Variants in SLC24A3 observed in about 807,000 individuals in gnomAD.
SLC24A3 encodes solute carrier family 24 member 3, also known as sodium/potassium/calcium exchanger 3.
Under a neutral mutation model 75.8 loss-of-function variants are expected in SLC24A3, and 28 were observed. The observed-to-expected ratio is 0.37, with a 90% CI of 0.27 to 0.51. The LOEUF (loss-of-function observed/expected upper bound fraction) is 0.51, where lower values mean the gene tolerates loss of function less well. Among genes scored for constraint, SLC24A3 ranks in the 20% least tolerant of loss-of-function variants. The probability of loss-of-function intolerance (pLI) is 0.94; values close to 1 mark genes in which losing one functional copy is unlikely to be tolerated. For missense variants in SLC24A3, 663 were observed against 847.8 expected, an observed-to-expected ratio of 0.78 and a Z score of 2.71; for synonymous variants, 372 against 334.1, an observed-to-expected ratio of 1.11 and a Z score of -1.24.
At chr20:19,714,421 A>AG (rs965596212) in intron 15 of SLC24A3, among the ~76,000 whole-genome samples, 14 of 137,390 alleles carry the variant, frequency 1.0e-4, no homozygotes, top group African/African-American at 3.0e-4. Flanking sequence ...AAAAAAAAAA[A>AG]AAAAACAACA....
chr20:19,378,298 A>T (rs1259204190), intron 2 of SLC24A3, among the ~76,000 whole-genome samples: 1 of 152,156 alleles, frequency 6.6e-6, no homozygotes, highest in Non-Finnish European at 1.5e-5. Context: ...TTAAAAAAAA[A>T]AAATAAAGTT....
At chr20:19,681,222 A>G (rs1283349888) in intron 9 of SLC24A3, among the ~76,000 whole-genome samples, 1 of 152,268 alleles carries the variant, frequency 6.6e-6, no homozygotes, top group African/African-American at 2.4e-5. Context: ...ATCATTCTGG[A>G]GGATAATAGC....
intron 2 of SLC24A3, among the ~76,000 whole-genome samples, chr20:19,477,748 C>T (rs945044799): frequency 2.6e-5 from 4 of 152,150 alleles, no homozygotes; most frequent in African/African-American, 9.7e-5. Context: ...TGGTCTTGCT[C>T]CTCTGACAAT....
chr20:19,555,053 A>G (rs13036732), intron 3 of SLC24A3, among the ~76,000 whole-genome samples: 4,923 of 152,308 alleles, frequency 0.032, 132 homozygotes, highest in Non-Finnish European at 0.052. Flanking sequence ...ATTATTTTCT[A>G]ATTCTTTGTG....
chr20:19,636,912 G>C (rs569435248), intron 6 of SLC24A3, among the ~76,000 whole-genome samples: 57 of 152,258 alleles, frequency 3.7e-4, no homozygotes, highest in Non-Finnish European at 7.2e-4. Flanking sequence ...TATTCTCAGA[G>C]AGCTTCACAG....
chr20:19,264,733 A>AAAAG (rs1201160899), intron 1 of SLC24A3, among the ~76,000 whole-genome samples: 1 of 150,898 alleles, frequency 6.6e-6, no homozygotes, highest in African/African-American at 2.4e-5. Context: ...CATCTCAAAA[A>AAAAG]AAAAAAAAAA....
intron 1 of SLC24A3, among the ~76,000 whole-genome samples, chr20:19,249,848 C>T (rs563357165): frequency 3.9e-5 from 6 of 152,304 alleles, no homozygotes; most frequent in Admixed American, 2.6e-4. Context: ...GTTAATATAC[C>T]GTGCTAACTG....
At chr20:19,550,966 C>A (rs2030684564) in intron 3 of SLC24A3, among the ~76,000 whole-genome samples, 1 of 152,186 alleles carries the variant, frequency 6.6e-6, no homozygotes, top group African/African-American at 2.4e-5. Flanking sequence ...AGGATGAGAA[C>A]GTAAGGCACG....
intron 2 of SLC24A3, among the ~76,000 whole-genome samples, chr20:19,328,642 G>A (rs916917783): frequency 2.0e-5 from 3 of 152,144 alleles, no homozygotes; most frequent in East Asian, 1.9e-4. Flanking sequence ...GGTGAGGGGC[G>A]GGTGGAGTGA....
chr20:19,428,750 C>T (rs1013225943), intron 2 of SLC24A3, among the ~76,000 whole-genome samples: 2 of 151,684 alleles, frequency 1.3e-5, no homozygotes, highest in Non-Finnish European at 2.9e-5. Flanking sequence ...GTGTTGGGTA[C>T]GTTGCAGCTT....
At chr20:19,635,211 A>G (rs891791030) in intron 6 of SLC24A3, among the ~76,000 whole-genome samples, 1 of 152,340 alleles carries the variant, frequency 6.6e-6, no homozygotes, top group Non-Finnish European at 1.5e-5. Flanking sequence ...CCCAGATACC[A>G]ATAATGCATA....
intron 2 of SLC24A3, among the ~76,000 whole-genome samples, chr20:19,296,480 T>A (rs957894103): frequency 2.6e-5 from 4 of 152,088 alleles, no homozygotes; most frequent in Admixed American, 2.6e-4. Context: ...TTCGATATGG[T>A]CATTTAGTGT....
intron 2 of SLC24A3, among the ~76,000 whole-genome samples, chr20:19,370,414 C>A (rs190192770): frequency 1.3e-5 from 2 of 152,278 alleles, no homozygotes; most frequent in East Asian, 3.9e-4. Context: ...AGCAGATGAC[C>A]CAGGTCAGAA....
At chr20:19,524,124 C>G (rs754103792) in intron 3 of SLC24A3, among the ~76,000 whole-genome samples, 29 of 152,184 alleles carry the variant, frequency 1.9e-4, no homozygotes, top group Middle Eastern at 3.2e-3. Context: ...GCTGTCTGCC[C>G]CAGTGCCCCA....
chr20:19,357,361 T>A (rs1985706710), intron 2 of SLC24A3, among the ~76,000 whole-genome samples: 1 of 152,186 alleles, frequency 6.6e-6, no homozygotes, highest in Non-Finnish European at 1.5e-5. Context: ...TTTGGGGTAA[T>A]TTGTTCCGGA....
At chr20:19,401,246 G>A (rs548575061) in intron 2 of SLC24A3, among the ~76,000 whole-genome samples, 14 of 152,352 alleles carry the variant, frequency 9.2e-5, no homozygotes, top group African/African-American at 3.4e-4. Context: ...GTCCACAGAA[G>A]TGGGATGGTG....
intron 2 of SLC24A3, among the ~76,000 whole-genome samples, chr20:19,290,606 C>T (rs995641040): frequency 9.9e-5 from 15 of 152,156 alleles, no homozygotes; most frequent in African/African-American, 2.9e-4. Flanking sequence ...ACTTCCCAGC[C>T]TTCAGAGCTG....
At chr20:19,358,544 T>G (rs917459859) in intron 2 of SLC24A3, among the ~76,000 whole-genome samples, 1 of 152,164 alleles carries the variant, frequency 6.6e-6, no homozygotes, top group Admixed American at 6.5e-5. Context: ...TTCCAGCACC[T>G]AAAAAGTGTC....
intron 2 of SLC24A3, among the ~76,000 whole-genome samples, chr20:19,344,534 A>G (rs1232445455): frequency 6.6e-6 from 1 of 152,240 alleles, no homozygotes; most frequent in Non-Finnish European, 1.5e-5. Flanking sequence ...GCAGGAAGCC[A>G]AAAAAGATGT....
Sources: gnomAD v4.1 joint callset for allele counts (sites outside exome capture counted in the v4.1 genomes callset) on GRCh38, gnomAD v4.1.1 for gene constraint, MANE v1.5 for transcripts, NCBI Gene and HGNC (gene_info 2026-07-23, HGNC 2026-07-21) for gene names.